The following PRH1 variants were observed in gnomAD, a reference collection of about 807,000 sequenced individuals.
The protein encoded by PRH1 is proline rich protein HaeIII subfamily 1.
PRH1 carries 7 observed loss-of-function variants against 7.9 expected under a neutral mutation model. The observed-to-expected ratio is 0.89, with a 90% CI of 0.50 to 1.67. The LOEUF is 1.67. PRH1 is among the 40% of genes most tolerant of loss of function. PRH1 has a pLI of 0.00. For missense variants in PRH1, 109 were observed against 223.6 expected, an observed-to-expected ratio of 0.49 and a Z score of 3.27; for synonymous variants, 45 against 80.8, an observed-to-expected ratio of 0.56 and a Z score of 2.38.
chr12:11,005,184 A>C (rs2136028020), intron 1 of PRH1, among the ~76,000 whole-genome samples: 1 of 152,300 alleles, frequency 6.6e-6, no homozygotes. Context: ...TAATTTCTAA[A>C]ACAGTTCAAA....
At chr12:11,035,630 G>A (rs142938230) in intron 1 of PRH1, among the ~76,000 whole-genome samples, 71 of 152,040 alleles carry the variant, frequency 4.7e-4, no homozygotes, top group African/African-American at 1.4e-3. Context: ...TTTTCTTTTT[G>A]TAATACTTTG....
intron 1 of PRH1, among the ~76,000 whole-genome samples, chr12:11,057,325 G>A (rs904153436): frequency 5.9e-5 from 9 of 152,294 alleles, no homozygotes; most frequent in Admixed American, 3.9e-4. Context: ...AAGGTCAGAT[G>A]CTACCTAGAG....
chr12:10,965,246 A>G, intron 2 of PRH1: 1 of 1,477,166 alleles, frequency 6.8e-7, no homozygotes, highest in Non-Finnish European at 9.2e-7. Context: ...TTGTCTCTTG[A>G]CCCACTCAAT....
At chr12:10,898,739 T>C (rs774529977) in intron 2 of PRH1, among the ~76,000 whole-genome samples, 5 of 152,124 alleles carry the variant, frequency 3.3e-5, no homozygotes, top group African/African-American at 4.8e-5. Flanking sequence ...GAAGGACTCA[T>C]TGAGAAGGTG....
chr12:11,011,652 A>G (rs1941073650), intron 1 of PRH1, among the ~76,000 whole-genome samples: 1 of 152,170 alleles, frequency 6.6e-6, no homozygotes, highest in Non-Finnish European at 1.5e-5. Flanking sequence ...CATAACCAGA[A>G]TCATGACCAC....
At chr12:11,093,848 T>C (rs1301231686) in intron 1 of PRH1, among the ~76,000 whole-genome samples, 4 of 115,104 alleles carry the variant, frequency 3.5e-5, no homozygotes, top group African/African-American at 1.2e-4. Flanking sequence ...CTGGGGATTC[T>C]TCCTCTTTCC....
chr12:11,161,763 T>C (rs763976546), intron 1 of PRH1, among the ~76,000 whole-genome samples: 2 of 152,122 alleles, frequency 1.3e-5, no homozygotes, highest in Non-Finnish European at 1.5e-5. Context: ...CAATTAAACA[T>C]AGAGACCATT....
intron 1 of PRH1, among the ~76,000 whole-genome samples, chr12:10,989,706 C>T (rs974505550): frequency 2.0e-5 from 3 of 151,992 alleles, no homozygotes; most frequent in Non-Finnish European, 4.4e-5. Flanking sequence ...GCATGTTCAG[C>T]TTTATATTTT....
chr12:11,084,309 A>C (rs1391549588), intron 1 of PRH1, among the ~76,000 whole-genome samples: 1 of 134,328 alleles, frequency 7.4e-6, no homozygotes, highest in Non-Finnish European at 1.7e-5. Flanking sequence ...CTTGCTTCCA[A>C]CAGTTCATTT....
At chr12:10,899,703 C>G (rs140025021) in intron 2 of PRH1, among the ~76,000 whole-genome samples, 1 of 152,146 alleles carries the variant, frequency 6.6e-6, no homozygotes, top group Admixed American at 6.5e-5. Context: ...GTACAGCCTG[C>G]GGAACCATGA....
chr12:11,006,236 T>C (rs963362882), intron 1 of PRH1: 1 of 134,812 alleles, frequency 7.4e-6, no homozygotes, highest in African/African-American at 2.5e-5. Flanking sequence ...GGAGTTAGTA[T>C]AGCATTTGTA....
intron 1 of PRH1, among the ~76,000 whole-genome samples, chr12:11,167,882 T>C (rs1421731540): frequency 6.6e-6 from 1 of 152,194 alleles, no homozygotes; most frequent in Non-Finnish European, 1.5e-5. Context: ...GTTTTCAAAA[T>C]GCATGCATAA....
At chr12:11,013,063 A>C (rs1696703932) in intron 1 of PRH1, among the ~76,000 whole-genome samples, 3 of 152,170 alleles carry the variant, frequency 2.0e-5, no homozygotes, top group Non-Finnish European at 4.4e-5. Flanking sequence ...TGCAATCCCT[A>C]TCAAATCCCA....
intron 1 of PRH1, among the ~76,000 whole-genome samples, chr12:10,989,474 G>T (rs1174277106): frequency 2.6e-5 from 4 of 152,028 alleles, no homozygotes; most frequent in Non-Finnish European, 5.9e-5. Context: ...TAATTACAGG[G>T]TCATCAAATA....
At chr12:10,999,146 T>C (rs959147860) in intron 1 of PRH1, among the ~76,000 whole-genome samples, 7 of 152,122 alleles carry the variant, frequency 4.6e-5, no homozygotes, top group African/African-American at 1.7e-4. Context: ...ATATCTAATG[T>C]GGTTTTGGAG....
intron 1 of PRH1, among the ~76,000 whole-genome samples, chr12:11,076,379 A>C (rs1428490498): frequency 5.6e-5 from 3 of 53,394 alleles, no homozygotes; most frequent in Non-Finnish European, 1.1e-4. Context: ...CATTTGAAGA[A>C]AGTTTCATTT....
intron 2 of PRH1, among the ~76,000 whole-genome samples, chr12:10,929,804 C>T (rs1161696402): frequency 6.6e-6 from 1 of 152,144 alleles, no homozygotes. Context: ...TAGAGAATCA[C>T]CAGAGTGAAA....
At chr12:10,929,416 AAG>A in intron 2 of PRH1, 1 of 1,564,634 alleles carries the variant, frequency 6.4e-7, no homozygotes, top group South Asian at 1.1e-5. Context: ...AAGTGGAGGG[AAG>A]AGAGGAGGAT....
chr12:10,996,953 G>A, intron 1 of PRH1: 1 of 1,605,392 alleles, frequency 6.2e-7, no homozygotes, highest in Non-Finnish European at 8.5e-7. Context: ...AATCTATGGA[G>A]TTGACTGGTT....
Sources: allele counts gnomAD v4.1 joint callset (sites outside exome capture counted in the v4.1 genomes callset), GRCh38; gene constraint gnomAD v4.1.1; transcripts MANE v1.5; gene names NCBI Gene and HGNC (gene_info 2026-07-23, HGNC 2026-07-21).